The following BFSP2 variants were observed in gnomAD, a reference collection of about 807,000 sequenced individuals.
BFSP2 encodes beaded filament structural protein 2, also known as phakinin.
Under a neutral mutation model 44.9 loss-of-function variants are expected in BFSP2, and 38 were observed. The ratio of observed to expected loss-of-function variants is 0.85; its 90% confidence interval spans 0.65 to 1.11. The LOEUF (loss-of-function observed/expected upper bound fraction) is 1.11. BFSP2 is among the 50% of genes least tolerant of loss of function. The probability of loss-of-function intolerance (pLI) is 0.00; values close to 1 mark genes in which losing one functional copy is unlikely to be tolerated. For missense variants in BFSP2, 525 were observed against 533.0 expected, an observed-to-expected ratio of 0.99 and a Z score of 0.15; for synonymous variants, 197 against 209.9, an observed-to-expected ratio of 0.94 and a Z score of 0.53.
chr3:133,409,975 C>A (rs1019248417), intron 1 of BFSP2: 1 of 167,424 alleles, frequency 6.0e-6, no homozygotes, highest in Non-Finnish European at 1.3e-5. Context: ...AAGCCCGGAC[C>A]GTGGCGGGTA....
chr3:133,450,268 C>T (rs368762072), intron 3 of BFSP2, 35 bp from the exon 4 acceptor site: 87 of 1,612,220 alleles, frequency 5.4e-5, no homozygotes, highest in Non-Finnish European at 6.7e-5. Context: ...TATTTCCCCC[C>T]GTAACTCATC....
intron 1 of BFSP2, among the ~76,000 whole-genome samples, chr3:133,431,478 G>C (rs1165496615): frequency 6.6e-6 from 1 of 152,156 alleles, no homozygotes; most frequent in Admixed American, 6.5e-5. Context: ...TGTCCCATCT[G>C]TGCGGGACCC....
intron 4 of BFSP2, among the ~76,000 whole-genome samples, chr3:133,456,705 C>T (rs1030691551): frequency 3.3e-5 from 5 of 152,112 alleles, no homozygotes; most frequent in African/African-American, 9.7e-5. Flanking sequence ...GAGCTCTGAT[C>T]GCACCACTGC....
At position 133,400,685 on chromosome 3, in the gene BFSP2, C is replaced by T; in HGVS notation, c.489+113C>T. On this transcript the variant is annotated intron_variant, in intron 1 of 6. Coordinates refer to ENST00000302334, the MANE Select transcript of BFSP2 (RefSeq NM_003571.4). This position sits in a 1 kb window ranked among gnomAD's most constrained non-coding sequence, Gnocchi z 4.0. Reference sequence around the variant, plus strand: ...CAGAGAAACTGACCATAATCCCCTACACTTTCACACTTAAAATGGTAATGA... The same window carrying T: ...CAGAGAAACTGACCATAATCCCCTATACTTTCACACTTAAAATGGTAATGA... 3 of 1,451,766 alleles carry T rather than the reference C, an allele frequency of 2.1e-6. No homozygotes were observed. Among genetic ancestry groups the T allele is most frequent in the Non-Finnish European group, 2.8e-6 (3 of 1,073,634 alleles). The allele number at this position is 1,451,766 out of a possible 1,614,324, so 89.9% of individuals were successfully genotyped here. A position where few individuals can be genotyped will look rare whatever the true frequency, so the allele number is the denominator to read the frequency against.
intron 4 of BFSP2, 105 bp downstream of exon 4, chr3:133,450,569 A>G (rs2073954298): frequency 7.6e-7 from 1 of 1,315,890 alleles, no homozygotes; most frequent in Non-Finnish European, 1.1e-6. Context: ...ACGGTTTAGT[A>G]ACAAGTTCAA....
At chr3:133,448,791 C>T in intron 3 of BFSP2, 146 bp downstream of exon 3, 1 of 1,069,508 alleles carries the variant, frequency 9.4e-7, no homozygotes, top group East Asian at 2.6e-5. Context: ...CTGTAAAATA[C>T]TTTCAGATCC....
chr3:133,448,794 T>C lies in BFSP2; in HGVS notation c.729+149T>C, dbSNP rs2073928762. 3 of 1,071,274 alleles carry C rather than the reference T, an allele frequency of 2.8e-6. No homozygotes were observed. The African/African-American group carries it at 4.8e-5, about 17-fold the overall frequency. 66.4% of individuals were successfully genotyped at this position (1,071,274 alleles called of 1,614,324 possible). ...CAGGGAACATACCTGTAAAATACTTTCAGATCCTTGAAGTGGGTCAGGTTA... is the reference window on the plus strand; with the variant it reads ...CAGGGAACATACCTGTAAAATACTTCCAGATCCTTGAAGTGGGTCAGGTTA... On this transcript the variant is annotated intron_variant, in intron 3 of 6. Transcript: ENST00000302334.
In BFSP2 at chr3:133,449,945, GAGAA is replaced by G. The variant is rs1260895272; in HGVS notation, c.730-354_730-351del. On this transcript the variant is annotated intron_variant, in intron 3 of 6. Transcript: ENST00000302334. ...AGAGGAAGACAGACGGAAAGAAAGAGAGAAAGAGAGAGAGAAAGAGAAAGAAGGA... is the reference window on the plus strand; with the variant it reads ...AGAGGAAGACAGACGGAAAGAAAGAGAGAGAGAGAGAAAGAGAAAGAAGGA... Among the ~76,000 whole-genome samples, 221 of 113,466 alleles carry G rather than the reference GAGAA, an allele frequency of 1.9e-3. 1 individual carries two copies. Among genetic ancestry groups the G allele is most frequent in the African/African-American group, 7.4e-3 (208 of 27,948 alleles). 74.4% of individuals were successfully genotyped at this position (113,466 alleles called of 152,430 possible).
chr3:133,415,081 A>T (rs1432704357), intron 1 of BFSP2, among the ~76,000 whole-genome samples: 57 of 34,096 alleles, frequency 1.7e-3, no homozygotes, highest in African/African-American at 2.2e-3. Flanking sequence ...TACTTGCCCC[A>T]GTCCTCTCCC....
chr3:133,464,042 T>A (rs1027821278), intron 4 of BFSP2, among the ~76,000 whole-genome samples: 1 of 152,190 alleles, frequency 6.6e-6, no homozygotes, highest in Admixed American at 6.5e-5. Context: ...CGCCACCCTC[T>A]GTAGCTACAT....
At chr3:133,419,718 C>G (rs1006301191) in intron 1 of BFSP2, among the ~76,000 whole-genome samples, 3 of 152,262 alleles carry the variant, frequency 2.0e-5, no homozygotes, top group African/African-American at 7.2e-5. Flanking sequence ...CATCAGATGG[C>G]TCAGAACTGA....
At chr3:133,415,564 G>A (rs2073515415) in intron 1 of BFSP2, among the ~76,000 whole-genome samples, 1 of 30,318 alleles carries the variant, frequency 3.3e-5, no homozygotes, top group Non-Finnish European at 6.2e-5. Flanking sequence ...ACTCACCCCT[G>A]CCCCCTCCGC....
chr3:133,408,032 A>C (rs2107877949), intron 1 of BFSP2, among the ~76,000 whole-genome samples: 1 of 152,336 alleles, frequency 6.6e-6, no homozygotes, highest in East Asian at 1.9e-4. Flanking sequence ...TTGATTAAGA[A>C]AAATTTTAAA....
chr3:133,453,668 G>A (rs567194507), intron 4 of BFSP2, among the ~76,000 whole-genome samples: 2 of 152,304 alleles, frequency 1.3e-5, no homozygotes, highest in South Asian at 2.1e-4. Flanking sequence ...TCTGCCATCT[G>A]CTATCAGAGT....
chr3:133,472,794 T>C (rs1300666874), intron 6 of BFSP2, among the ~76,000 whole-genome samples: 1 of 152,192 alleles, frequency 6.6e-6, no homozygotes, highest in African/African-American at 2.4e-5. Context: ...TGCATATTTA[T>C]GTATGTATAT....
At chr3:133,413,249 G>A (rs892948336) in intron 1 of BFSP2, among the ~76,000 whole-genome samples, 1 of 151,894 alleles carries the variant, frequency 6.6e-6, no homozygotes, top group Non-Finnish European at 1.5e-5. Flanking sequence ...CAGGTCTTGG[G>A]GCAGGGGAAG....
intron 1 of BFSP2, among the ~76,000 whole-genome samples, chr3:133,437,428 C>T (rs2073798325): frequency 1.3e-5 from 2 of 152,108 alleles, no homozygotes; most frequent in East Asian, 3.9e-4. Flanking sequence ...GAGGCTGAGG[C>T]AGGAGAATTG....
chr3:133,460,906 G>A (rs906288461), intron 4 of BFSP2, among the ~76,000 whole-genome samples: 1 of 152,248 alleles, frequency 6.6e-6, no homozygotes, highest in Non-Finnish European at 1.5e-5. Flanking sequence ...CGAGTGACTT[G>A]CTCAAACCTG....
At position 133,424,235 on chromosome 3, in the gene BFSP2, T is replaced by G. The variant is rs1484107036; in HGVS notation, c.490-23082T>G. 1.9e-3 allele frequency among the ~76,000 whole-genome samples: 285 copies of G among 147,314 alleles called. 8 individuals carry two copies. The highest frequency in any genetic ancestry group is 6.7e-3 in the African/African-American group (271 of 40,414). On this transcript the variant is annotated intron_variant, in intron 1 of 6. Coordinates refer to ENST00000302334, the MANE Select transcript of BFSP2 (RefSeq NM_003571.4). ...TAATTTTTTTTTTTTTTTTTTTTTT[T>G]TTTTTTGTATTTTTAGTAGAGATGG...
Sources: allele counts gnomAD v4.1 joint callset (sites outside exome capture counted in the v4.1 genomes callset), GRCh38; gene constraint gnomAD v4.1.1; non-coding constraint Gnocchi (gnomAD v3.1); transcripts MANE v1.5; gene names NCBI Gene and HGNC (gene_info 2026-07-23, HGNC 2026-07-21).